The following ZNF804B variants were observed in gnomAD, a reference collection of about 807,000 sequenced individuals.
ZNF804B encodes the protein zinc finger protein 804B, also known as zinc finger 804B.
A neutral mutation model predicts 101.4 loss-of-function variants in ZNF804B; 80 were observed. The ratio of observed to expected loss-of-function variants is 0.79; its 90% CI spans 0.66 to 0.95. The LOEUF is 0.95. Ranked by LOEUF, ZNF804B falls within the 40% of genes least tolerant of loss-of-function variation. The pLI, the probability that ZNF804B is intolerant of heterozygous loss-of-function variation, is 0.00. For missense variants in ZNF804B, 1,673 were observed against 1,561.9 expected (o/e 1.07, Z -1.20); for synonymous variants, 622 against 558.8 (o/e 1.11, Z -1.59).
chr7:89,334,160 G>C lies in ZNF804B; in HGVS notation c.1178G>C (p.Ser393Thr), dbSNP rs544094027. 19 of 1,613,538 alleles carry C rather than the reference G, an allele frequency of 1.2e-5. No individual in the cohort carries two copies. In the South Asian group the frequency reaches 2.0e-4, roughly 17 times the overall value. ...CLDEFSSLEP[S>T]EQKSTVHLNP... ...GATGAGTTTTCATCACTGGAGCCAA[G>C]TGAACAAAAGAGTACAGTGCATCTG... Residue 393 changes from serine to threonine, a missense_variant, in exon 4 of 4, where the codon AGT becomes ACT. Ser to Thr is a moderately conservative substitution (Grantham distance 58). Transcript: ENST00000333190.
At chr7:88,999,255 T>C (rs922098651) in intron 1 of ZNF804B, among the ~76,000 whole-genome samples, 2 of 152,058 alleles carry the variant, frequency 1.3e-5, no homozygotes, top group African/African-American at 4.8e-5. Context: ...CAAAGTTCTA[T>C]AAAAAGTACA....
intron 1 of ZNF804B, among the ~76,000 whole-genome samples, chr7:88,854,423 C>CTTTCTTTCTTTA (rs1791504928): frequency 3.0e-5 from 3 of 99,878 alleles, no homozygotes; most frequent in Non-Finnish European, 2.1e-5. Context: ...TCCTTTCTTT[C>CTTTCTTTCTTTA]TTTCTTTCTT....
At chr7:89,150,708 G>A (rs1017075620) in intron 1 of ZNF804B, among the ~76,000 whole-genome samples, 2 of 152,038 alleles carry the variant, frequency 1.3e-5, no homozygotes, top group Non-Finnish European at 2.9e-5. Context: ...AAAATGAAAT[G>A]CTTACCTATC....
At chr7:89,089,047 C>CTTTTTTT (rs71297109) in intron 1 of ZNF804B, among the ~76,000 whole-genome samples, 1 of 145,966 alleles carries the variant, frequency 6.9e-6, no homozygotes. Flanking sequence ...CCTTTTTTTC[C>CTTTTTTT]TTTTTTTTTC....
chr7:89,324,720 G>A (rs1352297891), intron 2 of ZNF804B, among the ~76,000 whole-genome samples: 1 of 148,092 alleles, frequency 6.8e-6, no homozygotes, highest in Non-Finnish European at 1.5e-5. Context: ...GGCTGCTGTA[G>A]AGTTCATAGT....
In ZNF804B at chr7:89,335,508, A is replaced by C. The variant is rs530349621; in HGVS notation, c.2526A>C (p.Lys842Asn). 4.3e-6 allele frequency: 7 copies of C among 1,613,934 alleles called. No individual in the cohort carries two copies. In the Admixed American group the frequency reaches 1.0e-4, roughly 23 times the overall value. ...SQISCTGSSK[K>N]PPNCQGTQHD... ...TTTCCTGTACTGGAAGCAGTAAAAA[A>C]CCACCTAATTGCCAGGGAACTCAGC... The change falls in exon 4 of 4, where the codon AAA becomes AAC. Residue 842 changes from lysine to asparagine, a missense_variant. Coordinates refer to ENST00000333190, the MANE Select transcript of ZNF804B (RefSeq NM_181646.5).
At chr7:89,313,237 G>A (rs1790669553) in intron 2 of ZNF804B, among the ~76,000 whole-genome samples, 1 of 152,060 alleles carries the variant, frequency 6.6e-6, no homozygotes. Flanking sequence ...CTATGTGTTT[G>A]TTTCTTCATC....
At position 88,843,326 on chromosome 7, in the gene ZNF804B, TG is replaced by T. The variant is rs748451091; in HGVS notation, c.108+83243del. On this transcript the variant is annotated intron_variant, in intron 1 of 3. Transcript: ENST00000333190. ...ATGAAGAAATTGAAACTCAAATGATTGTGGTAACTTAAGTAAGTAGATCTAT... is the reference window on the plus strand; with the variant it reads ...ATGAAGAAATTGAAACTCAAATGATTTGGTAACTTAAGTAAGTAGATCTAT... Among the ~76,000 whole-genome samples, 135 of 152,300 alleles carry T rather than the reference TG, an allele frequency of 8.9e-4. 1 individual carries two copies. The highest frequency in any genetic ancestry group is 9.0e-4 in the Non-Finnish European group (61 of 68,016).
At position 89,334,678 on chromosome 7, in the gene ZNF804B, T is replaced by C; in HGVS notation, c.1696T>C (p.Tyr566His). ...YSDSEPNKSE[Y>H]TFSANDLEMK... Reference sequence around the variant, plus strand: ...TGATTCTGAGCCAAATAAGAGTGAATATACTTTCAGTGCAAATGATTTGGA... The same window carrying C: ...TGATTCTGAGCCAAATAAGAGTGAACATACTTTCAGTGCAAATGATTTGGA... Residue 566 changes from tyrosine to histidine, a missense_variant, in exon 4 of 4, where the codon TAT becomes CAT. Coordinates refer to ENST00000333190, the MANE Select transcript of ZNF804B (RefSeq NM_181646.5). 1 of 1,613,696 alleles carries C rather than the reference T, an allele frequency of 6.2e-7. No individual in the cohort carries two copies. The highest frequency in any genetic ancestry group is 8.5e-7 in the Non-Finnish European group (1 of 1,179,812).
chr7:88,797,250 G>T (rs981316851), intron 1 of ZNF804B, among the ~76,000 whole-genome samples: 1 of 151,768 alleles, frequency 6.6e-6, no homozygotes, highest in Non-Finnish European at 1.5e-5. Flanking sequence ...ATGCCTTAAG[G>T]GTTCTTGATT....
At chr7:88,812,023 G>C (rs140035936) in intron 1 of ZNF804B, among the ~76,000 whole-genome samples, 1 of 152,000 alleles carries the variant, frequency 6.6e-6, no homozygotes, top group African/African-American at 2.4e-5. Context: ...ATCTTTTGTC[G>C]ATAAATTCTC....
At chr7:88,932,216 C>T (rs1184858613) in intron 1 of ZNF804B, among the ~76,000 whole-genome samples, 1 of 151,698 alleles carries the variant, frequency 6.6e-6, no homozygotes, top group Non-Finnish European at 1.5e-5. Flanking sequence ...GCATTCAGAT[C>T]CCTCTCAGCA....
intron 1 of ZNF804B, among the ~76,000 whole-genome samples, chr7:88,896,319 G>A (rs1021529196): frequency 2.6e-5 from 4 of 152,170 alleles, no homozygotes; most frequent in African/African-American, 7.2e-5. Context: ...TGGGTGAGAA[G>A]TACAAAGGAA....
intron 1 of ZNF804B, among the ~76,000 whole-genome samples, chr7:89,203,231 C>T (rs759221282): frequency 1.3e-5 from 2 of 152,158 alleles, no homozygotes; most frequent in Non-Finnish European, 2.9e-5. Flanking sequence ...TACAGATAAA[C>T]ATTGGCCCCA....
chr7:89,206,770 A>C (rs1382812037), intron 1 of ZNF804B, among the ~76,000 whole-genome samples: 2 of 152,074 alleles, frequency 1.3e-5, no homozygotes, highest in Non-Finnish European at 2.9e-5. Flanking sequence ...AAAACAAAAA[A>C]CAAACAAACC....
chr7:88,917,637 T>C (rs1018041304), intron 1 of ZNF804B, among the ~76,000 whole-genome samples: 2 of 152,158 alleles, frequency 1.3e-5, no homozygotes, highest in Non-Finnish European at 2.9e-5. Flanking sequence ...CTGAGTAAAA[T>C]AGTGATTATA....
intron 1 of ZNF804B, among the ~76,000 whole-genome samples, chr7:88,981,718 G>T (rs1016910334): frequency 5.9e-5 from 9 of 151,948 alleles, no homozygotes; most frequent in Non-Finnish European, 8.8e-5. Context: ...TTCCTCCATG[G>T]ACGCCACCTG....
intron 1 of ZNF804B, among the ~76,000 whole-genome samples, chr7:89,211,417 A>C (rs949118204): frequency 3.9e-5 from 6 of 151,970 alleles, no homozygotes; most frequent in African/African-American, 9.7e-5. Context: ...GTTTTTGGCA[A>C]TTTCATCATG....
intron 1 of ZNF804B, among the ~76,000 whole-genome samples, chr7:89,195,103 A>AAAAACC (rs1452249425): frequency 2.6e-5 from 4 of 151,516 alleles, no homozygotes; most frequent in Non-Finnish European, 5.9e-5. Flanking sequence ...TGATTATCTC[A>AAAAACC]ATAGATGCAG....
Sources: gnomAD v4.1 joint callset for allele counts (sites outside exome capture counted in the v4.1 genomes callset) on GRCh38, gnomAD v4.1.1 for gene constraint, MANE v1.5 for transcripts, NCBI Gene and HGNC (gene_info 2026-07-23, HGNC 2026-07-21) for gene names.